LDB2: variants seen among roughly 807,000 people sequenced by gnomAD.
The protein encoded by LDB2 is LIM domain-binding protein 2.
In LDB2, 12 loss-of-function variants were observed where a neutral mutation model predicts 44.3. The ratio of observed to expected loss-of-function variants is 0.27; its 90% confidence interval spans 0.17 to 0.44. LDB2 has a LOEUF of 0.44. Among genes scored for constraint, LDB2 ranks in the 20% least tolerant of loss-of-function variants. The pLI is 1.00. For missense variants in LDB2, 344 were observed against 473.5 expected, an observed-to-expected ratio of 0.73 and a Z score of 2.54; for synonymous variants, 164 against 174.8, an observed-to-expected ratio of 0.94 and a Z score of 0.49.
At chr4:16,820,981 TAC>T (rs779151550) in intron 1 of LDB2, among the ~76,000 whole-genome samples, 60 of 152,342 alleles carry the variant, frequency 3.9e-4, no homozygotes, top group Non-Finnish European at 7.3e-4. Flanking sequence ...ACTAAATGTT[TAC>T]AGTTTTTTTT....
intron 1 of LDB2, among the ~76,000 whole-genome samples, chr4:16,772,708 A>C (rs977236361): frequency 1.3e-5 from 2 of 152,254 alleles, no homozygotes; most frequent in Non-Finnish European, 2.9e-5. Flanking sequence ...TCACCATAGG[A>C]GCACTCATAA....
chr4:16,706,815 T>C (rs945689742), intron 2 of LDB2, among the ~76,000 whole-genome samples: 3 of 152,082 alleles, frequency 2.0e-5, no homozygotes, highest in Non-Finnish European at 4.4e-5. Flanking sequence ...AAAAATAAAA[T>C]AGCAAGTACT....
intron 1 of LDB2, among the ~76,000 whole-genome samples, chr4:16,880,814 G>A: frequency 6.7e-6 from 1 of 148,770 alleles, no homozygotes; most frequent in Non-Finnish European, 1.5e-5. Context: ...TGAGGCAGGA[G>A]AATAGTGTGA....
At chr4:16,889,337 G>A (rs1278174002) in intron 1 of LDB2, 1 of 152,140 alleles carries the variant, frequency 6.6e-6, no homozygotes, top group Non-Finnish European at 1.5e-5. Context: ...AGAGACAGAA[G>A]TAGCAGAAAT....
intron 1 of LDB2, among the ~76,000 whole-genome samples, chr4:16,882,387 T>G (rs1235219923): frequency 6.6e-6 from 1 of 152,150 alleles, no homozygotes; most frequent in African/African-American, 2.4e-5. Flanking sequence ...CTTCTCTCCT[T>G]TTCAGCAGAG....
At chr4:16,588,557 C>G (rs1467169597) in intron 4 of LDB2, among the ~76,000 whole-genome samples, 153 bp downstream of exon 4, 3 of 152,084 alleles carry the variant, frequency 2.0e-5, no homozygotes, top group Non-Finnish European at 2.9e-5. Flanking sequence ...GGATTAAAAC[C>G]GTTGAGAACA....
intron 2 of LDB2, among the ~76,000 whole-genome samples, chr4:16,635,481 T>C (rs1269552400): frequency 1.3e-5 from 2 of 152,074 alleles, no homozygotes; most frequent in East Asian, 1.9e-4. Flanking sequence ...AGTTTAAAGA[T>C]TGACTTTGGG....
chr4:16,537,711 G>A (rs769446219), intron 5 of LDB2, among the ~76,000 whole-genome samples: 2 of 152,128 alleles, frequency 1.3e-5, no homozygotes, highest in Non-Finnish European at 2.9e-5. Flanking sequence ...CTTCCTTTTA[G>A]AGGCATTGAA....
At chr4:16,575,182 T>C (rs1388093396) in intron 5 of LDB2, among the ~76,000 whole-genome samples, 3 of 152,186 alleles carry the variant, frequency 2.0e-5, no homozygotes, top group Non-Finnish European at 2.9e-5. Context: ...ATGATGACTA[T>C]GCAGAAACAT....
chr4:16,822,762 C>T (rs953481587), intron 1 of LDB2, among the ~76,000 whole-genome samples: 8 of 152,036 alleles, frequency 5.3e-5, no homozygotes, highest in Non-Finnish European at 1.0e-4. Context: ...GTGATCCACC[C>T]GCCTCAGCCT....
rs575717749 is a variant in LDB2 at position 16,726,251 on chromosome 4, C to T, written c.235+32907G>A. 2.0e-5 allele frequency: 3 copies of T among 152,146 alleles called. No individual in the cohort carries two copies. The East Asian group carries it at 5.8e-4, about 29-fold the overall frequency. 9.4% of individuals were successfully genotyped at this position (152,146 alleles called of 1,614,324 possible). On this transcript the variant is annotated intron_variant, in intron 2 of 7. Coordinates refer to ENST00000304523, the MANE Select transcript of LDB2 (RefSeq NM_001290.5). ...CAAATGCTCAGTTTACAGTAAAAACCTGTTCCTGAATTCAGCTTCATCCCC... is the reference window on the plus strand; with the variant it reads ...CAAATGCTCAGTTTACAGTAAAAACTTGTTCCTGAATTCAGCTTCATCCCC...
intron 1 of LDB2, among the ~76,000 whole-genome samples, chr4:16,820,687 G>A (rs898606920): frequency 2.0e-5 from 3 of 152,118 alleles, no homozygotes; most frequent in Non-Finnish European, 4.4e-5. Context: ...ATGTGAATAT[G>A]CAGCATTTAA....
intron 2 of LDB2, among the ~76,000 whole-genome samples, chr4:16,665,433 G>A (rs749295943): frequency 4.0e-5 from 6 of 151,846 alleles, no homozygotes; most frequent in Non-Finnish European, 8.8e-5. Flanking sequence ...ACCCGACTAA[G>A]TTTTTGTATT....
intron 2 of LDB2, among the ~76,000 whole-genome samples, chr4:16,678,302 C>A (rs1746862751): frequency 6.6e-6 from 1 of 152,166 alleles, no homozygotes; most frequent in African/African-American, 2.4e-5. Context: ...TTATTTTGTA[C>A]CAGGCCCACT....
rs185637352 is a variant in LDB2, at chr4:16,526,934, G to A, written c.616-14830C>T. ...AGAAAACCAATATAAGCATCCAAAC[G>A]GCAACTTCTAAGTGAAGAACTCTGA... is the stretch of plus-strand genomic sequence containing the variant. On this transcript the variant is annotated intron_variant, in intron 5 of 7. Coordinates refer to ENST00000304523, the MANE Select transcript of LDB2 (RefSeq NM_001290.5). Among the ~76,000 whole-genome samples, 23 of 152,172 alleles carry A rather than the reference G, an allele frequency of 1.5e-4. No individual in the cohort carries two copies. The East Asian group carries it at 3.9e-3, about 26-fold the overall frequency.
At chr4:16,885,616 G>A (rs529140072) in intron 1 of LDB2, among the ~76,000 whole-genome samples, 1 of 152,182 alleles carries the variant, frequency 6.6e-6, no homozygotes, top group African/African-American at 2.4e-5. Context: ...CAACTCTCTG[G>A]TTCTAGATCA....
intron 2 of LDB2, among the ~76,000 whole-genome samples, chr4:16,622,047 T>A (rs1729026805): frequency 6.6e-6 from 1 of 152,256 alleles, no homozygotes; most frequent in African/African-American, 2.4e-5. Context: ...AAAGCAGATG[T>A]CTGCTAAGTA....
At chr4:16,626,074 T>G (rs1290700668) in intron 2 of LDB2, among the ~76,000 whole-genome samples, 3 of 152,222 alleles carry the variant, frequency 2.0e-5, no homozygotes, top group Non-Finnish European at 4.4e-5. Context: ...CATGGCTTTG[T>G]GCATTATCTT....
intron 1 of LDB2, among the ~76,000 whole-genome samples, chr4:16,854,715 G>T (rs1330236633): frequency 7.7e-6 from 1 of 130,026 alleles, no homozygotes; most frequent in African/African-American, 2.8e-5. Flanking sequence ...ATATATATGT[G>T]TATATTATGT....
Sources: gnomAD v4.1 joint callset for allele counts (sites outside exome capture counted in the v4.1 genomes callset) on GRCh38, gnomAD v4.1.1 for gene constraint, MANE v1.5 for transcripts, NCBI Gene and HGNC (gene_info 2026-07-23, HGNC 2026-07-21) for gene names.